The following ST6GALNAC5 variants were observed in gnomAD, a reference collection of about 807,000 sequenced individuals.
The protein encoded by ST6GALNAC5 is alpha-N-acetylgalactosaminide alpha-2,6-sialyltransferase 5.
ST6GALNAC5 carries 27 observed loss-of-function variants against 33.6 expected under a neutral mutation model. The ratio of observed to expected loss-of-function variants is 0.80; its 90% CI spans 0.59 to 1.11. The LOEUF is 1.11. Ranked by LOEUF, ST6GALNAC5 falls within the 50% of genes least tolerant of loss-of-function variation. The probability of loss-of-function intolerance (pLI) is 0.00; values close to 1 mark genes in which losing one functional copy is unlikely to be tolerated. For synonymous variants in ST6GALNAC5, 194 were observed against 171.2 expected (o/e 1.13, Z -1.04); for missense variants, 428 against 454.0 (o/e 0.94, Z 0.52).
intron 2 of ST6GALNAC5, among the ~76,000 whole-genome samples, chr1:76,871,787 G>A (rs565692908): frequency 2.0e-5 from 3 of 152,218 alleles, no homozygotes; most frequent in African/African-American, 7.2e-5. Context: ...AGGCTACATG[G>A]AGTTTCTTGT....
chr1:76,984,158 G>A (rs970383439), intron 2 of ST6GALNAC5, among the ~76,000 whole-genome samples: 12 of 152,098 alleles, frequency 7.9e-5, no homozygotes, highest in African/African-American at 2.9e-4. Context: ...AAATAACTAA[G>A]ATCAGAGCAG....
chr1:76,954,791 A>G (rs1238417048), intron 2 of ST6GALNAC5, among the ~76,000 whole-genome samples: 1 of 152,164 alleles, frequency 6.6e-6, no homozygotes, highest in South Asian at 2.1e-4. Flanking sequence ...TAGTAGAATA[A>G]TCATGGCCTC....
At chr1:76,959,689 C>T (rs191915028) in intron 2 of ST6GALNAC5, among the ~76,000 whole-genome samples, 1 of 152,280 alleles carries the variant, frequency 6.6e-6, no homozygotes, top group East Asian at 1.9e-4. Context: ...GACCAACGGC[C>T]CATCAAATCT....
At chr1:76,867,938 G>C (rs551136156) in intron 1 of ST6GALNAC5, among the ~76,000 whole-genome samples, 2 of 152,202 alleles carry the variant, frequency 1.3e-5, no homozygotes, top group Admixed American at 1.3e-4. Flanking sequence ...AGGTCCGAGG[G>C]GGTGGCGGAG....
chr1:76,939,599 C>T (rs1252593), intron 2 of ST6GALNAC5, among the ~76,000 whole-genome samples: 87,303 of 151,948 alleles, frequency 0.57, 25,341 homozygotes, highest in South Asian at 0.62. Context: ...CAGAATTGTG[C>T]TAATGTACCT....
chr1:77,054,871 T>C (rs1402514561), intron 4 of ST6GALNAC5, among the ~76,000 whole-genome samples: 1 of 152,084 alleles, frequency 6.6e-6, no homozygotes, highest in African/African-American at 2.4e-5. Context: ...GGAAGAAAGA[T>C]AGCATTGCAT....
At chr1:77,039,665 G>A (rs1311614727) in intron 2 of ST6GALNAC5, among the ~76,000 whole-genome samples, 1 of 152,196 alleles carries the variant, frequency 6.6e-6, no homozygotes, top group South Asian at 2.1e-4. Flanking sequence ...GAGTCAGGAT[G>A]GAAGAGAGAC....
intron 3 of ST6GALNAC5, among the ~76,000 whole-genome samples, chr1:77,045,902 G>A (rs1351302805): frequency 6.6e-6 from 1 of 152,186 alleles, no homozygotes; most frequent in Non-Finnish European, 1.5e-5. Flanking sequence ...CTCTGGCTCT[G>A]TCACTCTCTA....
intron 2 of ST6GALNAC5, among the ~76,000 whole-genome samples, chr1:76,962,219 T>C (rs573875217): frequency 1.4e-4 from 22 of 152,262 alleles, no homozygotes; most frequent in South Asian, 4.1e-4. Flanking sequence ...CAAAACATGA[T>C]AAAAAATTCA....
Position 76,868,041 on chromosome 1 carries a change from G to C in ST6GALNAC5, c.15+351G>C, listed in dbSNP as rs1031260217. On this transcript the variant is annotated intron_variant, in intron 1 of 4. Transcript: ENST00000477717. The surrounding 1 kb of genome is among the most constrained non-coding windows in gnomAD (Gnocchi z 4.3). ...GCCAAAAACTAAGAGGGACGGGGAG[G>C]GGGGACCTTTGCAGACTTTCTTCGT... is the stretch of plus-strand genomic sequence containing the variant. Among the ~76,000 whole-genome samples the C allele has an allele frequency of 6.6e-6, 1 of 152,178 alleles. No homozygotes were observed. Among genetic ancestry groups the C allele is most frequent in the Admixed American group, 6.5e-5 (1 of 15,276 alleles).
Position 77,064,170 on chromosome 1 carries a change from AT to A in ST6GALNAC5, c.*965del, listed in dbSNP as rs1179757324. On this transcript the variant is annotated 3_prime_UTR_variant, in exon 5 of 5. Coordinates refer to ENST00000477717, the MANE Select transcript of ST6GALNAC5 (RefSeq NM_030965.3). ...TGTACCAGACAACCTCTTAGGTTTC[AT>A]CCCAAATCTAAACTTGTGGCCTCTT... 6.6e-6 allele frequency: 1 copy of A among 152,178 alleles called. No individual in the cohort carries two copies. The highest frequency in any genetic ancestry group is 1.5e-5 in the Non-Finnish European group (1 of 68,024). 9.4% of individuals were successfully genotyped at this position (152,178 alleles called of 1,614,324 possible).
At position 77,066,845 on chromosome 1, in the gene ST6GALNAC5, G is replaced by A. The variant is rs921441789; in HGVS notation, c.*3639G>A. Among the ~76,000 whole-genome samples, 2 of 152,152 alleles carry A rather than the reference G, an allele frequency of 1.3e-5. No homozygotes were observed. Among genetic ancestry groups the A allele is most frequent in the African/African-American group, 2.4e-5 (1 of 41,420 alleles). ...AATTGTCTTCTTTTGTCTACAGTGT[G>A]CTCCTAAACCAGCAGTCTTTGGTGC... On this transcript the variant is annotated 3_prime_UTR_variant, in exon 5 of 5. Transcript: ENST00000477717.
intron 2 of ST6GALNAC5, among the ~76,000 whole-genome samples, chr1:76,995,168 T>C (rs1399416234): frequency 7.2e-5 from 11 of 151,960 alleles, no homozygotes; most frequent in Admixed American, 4.6e-4. Flanking sequence ...GAAGCCAAGG[T>C]GGGAGGATGG....
intron 2 of ST6GALNAC5, among the ~76,000 whole-genome samples, chr1:76,882,872 A>G (rs911742208): frequency 6.6e-6 from 1 of 151,928 alleles, no homozygotes; most frequent in African/African-American, 2.4e-5. Context: ...TAATTCTCCA[A>G]CCCTACCCCC....
intron 2 of ST6GALNAC5, among the ~76,000 whole-genome samples, chr1:76,961,801 G>C (rs58886800): frequency 2.8e-4 from 42 of 152,086 alleles, no homozygotes; most frequent in African/African-American, 1.0e-3. Context: ...GTATTTCCAG[G>C]GTATTTCTTG....
intron 4 of ST6GALNAC5, among the ~76,000 whole-genome samples, chr1:77,054,100 AG>A (rs1652313881): frequency 6.6e-6 from 1 of 152,238 alleles, no homozygotes; most frequent in Non-Finnish European, 1.5e-5. Context: ...GTTGGGTACC[AG>A]GGAGGTAATC....
At position 76,961,298 on chromosome 1, in the gene ST6GALNAC5, G is replaced by A. The variant is rs1413212790; in HGVS notation, c.262-82906G>A. On this transcript the variant is annotated intron_variant, in intron 2 of 4. Transcript: ENST00000477717. ...GGATCCAATTAAGAATCCCTGTACT[G>A]CAAATTCTAAAGTTCTGGCCTAGAG... Among the ~76,000 whole-genome samples, 11 of 152,182 alleles carry A rather than the reference G, an allele frequency of 7.2e-5. No homozygotes were observed. The East Asian group carries it at 2.1e-3, about 29-fold the overall frequency.
intron 2 of ST6GALNAC5, among the ~76,000 whole-genome samples, chr1:76,888,983 A>C (rs531070927): frequency 2.0e-5 from 3 of 152,070 alleles, no homozygotes; most frequent in Admixed American, 6.5e-5. Flanking sequence ...AACTATAATC[A>C]CTGTGATGTA....
intron 2 of ST6GALNAC5, among the ~76,000 whole-genome samples, chr1:77,031,870 C>T (rs543115906): frequency 3.1e-4 from 47 of 152,170 alleles, no homozygotes; most frequent in Admixed American, 5.2e-4. Context: ...AACCTTGCAA[C>T]TTTGTAGGAA....
Sources: gnomAD v4.1 joint callset for allele counts (sites outside exome capture counted in the v4.1 genomes callset) on GRCh38, gnomAD v4.1.1 for gene constraint, Gnocchi (gnomAD v3.1) non-coding constraint, MANE v1.5 for transcripts, NCBI Gene and HGNC (gene_info 2026-07-23, HGNC 2026-07-21) for gene names.